TPRG1: variants seen among roughly 807,000 people sequenced by gnomAD.
The protein encoded by TPRG1 is tumor protein p63 regulated 1, also known as tumor protein p63-regulated gene 1 protein.
Under a neutral mutation model 29.3 loss-of-function variants are expected in TPRG1, and 29 were observed. That is an observed-to-expected ratio of 0.99 (90% confidence interval 0.74 to 1.35). The LOEUF (loss-of-function observed/expected upper bound fraction) is 1.35, where lower values mean the gene tolerates loss of function less well. Among genes scored for constraint, TPRG1 ranks in the 40% most tolerant of loss-of-function variants. TPRG1 has a pLI of 0.00. For missense variants in TPRG1, 327 were observed against 335.0 expected (o/e 0.98, Z 0.19); for synonymous variants, 130 against 116.8 (o/e 1.11, Z -0.73).
intron 3 of TPRG1, among the ~76,000 whole-genome samples, chr3:189,137,070 C>T (rs948843687): frequency 2.6e-5 from 4 of 152,118 alleles, no homozygotes; most frequent in Admixed American, 6.5e-5. Flanking sequence ...AATGATTTGT[C>T]CCAGCAAGGT....
intron 4 of TPRG1, among the ~76,000 whole-genome samples, chr3:189,068,628 T>C (rs1444766029): frequency 6.6e-6 from 1 of 152,082 alleles, no homozygotes; most frequent in African/African-American, 2.4e-5. Flanking sequence ...TATAAAAAAT[T>C]AGCCAGGCGT....
chr3:189,181,070 T>G (rs1730151962), intron 1 of TPRG1, among the ~76,000 whole-genome samples: 1 of 152,186 alleles, frequency 6.6e-6, no homozygotes, highest in South Asian at 2.1e-4. Flanking sequence ...GTTGGCCCCT[T>G]TCAGCCATGG....
At chr3:189,115,864 T>C (rs1312520470) in intron 1 of TPRG1, among the ~76,000 whole-genome samples, 1 of 152,142 alleles carries the variant, frequency 6.6e-6, no homozygotes, top group East Asian at 1.9e-4. Context: ...CCTCTTTTAA[T>C]CTACTAATAA....
chr3:189,022,252 C>A (rs1713361125), intron 3 of TPRG1, among the ~76,000 whole-genome samples: 2 of 151,532 alleles, frequency 1.3e-5, no homozygotes, highest in African/African-American at 4.9e-5. Flanking sequence ...ATTCTCCTTC[C>A]AGCTTTGTTC....
At chr3:189,250,504 G>GAC (rs1742007564) in intron 4 of TPRG1, among the ~76,000 whole-genome samples, 1 of 23,590 alleles carries the variant, frequency 4.2e-5, no homozygotes. Context: ...TCTGATTTCC[G>GAC]CCCCCCCCCC....
chr3:189,117,124 T>G (rs1721272259), intron 1 of TPRG1, among the ~76,000 whole-genome samples: 1 of 152,182 alleles, frequency 6.6e-6, no homozygotes, highest in South Asian at 2.1e-4. Context: ...AGCCAAAGTG[T>G]CATGCAAATA....
chr3:189,084,069 T>C (rs1342455895), intron 4 of TPRG1, among the ~76,000 whole-genome samples: 1 of 151,950 alleles, frequency 6.6e-6, no homozygotes, highest in Non-Finnish European at 1.5e-5. Flanking sequence ...AAGAATCACT[T>C]GAACCTGGGA....
At chr3:189,086,154 CA>C (rs1474820265) in intron 4 of TPRG1, among the ~76,000 whole-genome samples, 2 of 151,998 alleles carry the variant, frequency 1.3e-5, no homozygotes, top group Non-Finnish European at 2.9e-5. Context: ...TCAAAGGGTC[CA>C]AAAGCTGAAG....
chr3:189,286,301 A>AT (rs968890217), intron 4 of TPRG1, among the ~76,000 whole-genome samples: 4 of 151,606 alleles, frequency 2.6e-5, no homozygotes, highest in South Asian at 4.2e-4. Context: ...ACTCTGTTTT[A>AT]TTTTTTTTAT....
intron 4 of TPRG1, among the ~76,000 whole-genome samples, chr3:189,252,929 C>T (rs564874004): frequency 4.6e-5 from 7 of 151,918 alleles, no homozygotes; most frequent in African/African-American, 9.7e-5. Flanking sequence ...AATTAAAAAC[C>T]GGAGACTATT....
intron 4 of TPRG1, among the ~76,000 whole-genome samples, chr3:189,307,199 T>C (rs1577023247): frequency 6.6e-6 from 1 of 152,112 alleles, no homozygotes; most frequent in Non-Finnish European, 1.5e-5. Flanking sequence ...ATTTTTGTAT[T>C]TTTAGTAGAG....
intron 4 of TPRG1, among the ~76,000 whole-genome samples, chr3:189,039,267 A>T (rs915000597): frequency 6.6e-6 from 1 of 152,220 alleles, no homozygotes; most frequent in African/African-American, 2.4e-5. Flanking sequence ...TTCTTTGCTG[A>T]ATCTTCAGTA....
intron 4 of TPRG1, among the ~76,000 whole-genome samples, chr3:189,049,597 G>A (rs1422643414): frequency 6.6e-6 from 1 of 152,096 alleles, no homozygotes; most frequent in Non-Finnish European, 1.5e-5. Flanking sequence ...ATATAATCTT[G>A]GGAGTTCTAG....
intron 5 of TPRG1, among the ~76,000 whole-genome samples, chr3:189,314,155 A>G (rs996237373): frequency 6.6e-6 from 1 of 152,162 alleles, no homozygotes; most frequent in African/African-American, 2.4e-5. Context: ...AGAAAACTGG[A>G]AAAAGTAGGT....
At chr3:189,138,518 T>C in intron 3 of TPRG1, among the ~76,000 whole-genome samples, 1 of 152,298 alleles carries the variant, frequency 6.6e-6, no homozygotes, top group Non-Finnish European at 1.5e-5. Context: ...CCTTCCATCT[T>C]CTGGTTTTCT....
intron 5 of TPRG1, among the ~76,000 whole-genome samples, chr3:189,318,672 G>A (rs12696590): frequency 0.45 from 68,136 of 151,896 alleles, 16,156 homozygotes; most frequent in East Asian, 0.61. Flanking sequence ...TCCTCTCCTC[G>A]AAGCCTCAGG....
Position 189,206,050 on chromosome 3 carries a change from T to TC in TPRG1, c.-9-1325dup, listed in dbSNP as rs750321003. 5.1e-3 allele frequency among the ~76,000 whole-genome samples: 758 copies of TC among 147,606 alleles called. 3 individuals carry two copies. Among genetic ancestry groups the TC allele is most frequent in the Non-Finnish European group, 8.5e-3 (560 of 66,144 alleles). The stretch of plus-strand genomic sequence containing the variant: ...TTCCTTCCTTCCTTCCTTCCTTTCT[T>TC]CTGTCTTTCTTTCTTTTTTCTTTCT... On this transcript the variant is annotated intron_variant, in intron 1 of 5. Coordinates refer to ENST00000345063, the MANE Select transcript of TPRG1 (RefSeq NM_198485.4).
chr3:189,308,056 A>T (rs1436238412), intron 4 of TPRG1, among the ~76,000 whole-genome samples: 1 of 152,222 alleles, frequency 6.6e-6, no homozygotes, highest in East Asian at 1.9e-4. Flanking sequence ...TACTGGCATC[A>T]TGACCACCTA....
chr3:189,018,852 C>A (rs1425490970), intron 3 of TPRG1, among the ~76,000 whole-genome samples: 1 of 148,334 alleles, frequency 6.7e-6, no homozygotes, highest in East Asian at 2.0e-4. Flanking sequence ...ATTGATTCTT[C>A]CTACCCATGA....
Sources: allele counts gnomAD v4.1 joint callset (sites outside exome capture counted in the v4.1 genomes callset), GRCh38; gene constraint gnomAD v4.1.1; transcripts MANE v1.5; gene names NCBI Gene and HGNC (gene_info 2026-07-23, HGNC 2026-07-21).